COL19A1: variants seen among roughly 807,000 people sequenced by gnomAD.
The protein encoded by COL19A1 is collagen alpha-1(XIX) chain.
A neutral mutation model predicts 190.2 loss-of-function variants in COL19A1; 159 were observed. The observed-to-expected ratio is 0.84, with a 90% CI of 0.73 to 0.95. The LOEUF (loss-of-function observed/expected upper bound fraction) is 0.95, where lower values mean the gene tolerates loss of function less well. Among genes scored for constraint, COL19A1 ranks in the 40% least tolerant of loss-of-function variants. The pLI is 0.00. For synonymous variants in COL19A1, 509 were observed against 458.9 expected, an observed-to-expected ratio of 1.11 and a Z score of -1.39; for missense variants, 1,418 against 1,431.9, an observed-to-expected ratio of 0.99 and a Z score of 0.16.
intron 14 of COL19A1, among the ~76,000 whole-genome samples, chr6:70,062,229 T>C (rs553299531): frequency 6.6e-6 from 1 of 152,236 alleles, no homozygotes; most frequent in African/African-American, 2.4e-5. Context: ...ATGCAGAATT[T>C]TTTGTACTAA....
rs373600958 is a variant in COL19A1, at chr6:70,023,335, C to T, written c.1027-292C>T. Among the ~76,000 whole-genome samples, 8 of 152,074 alleles carry T rather than the reference C, an allele frequency of 5.3e-5. No homozygotes were observed. In the East Asian group the frequency reaches 1.2e-3, roughly 22 times the overall value. On this transcript the variant is annotated intron_variant, in intron 11 of 50. Coordinates refer to ENST00000620364, the MANE Select transcript of COL19A1 (RefSeq NM_001858.6). ...TATTTTTAGTAGGGACAGGTTTCAC[C>T]GTGTTGGTCAGGCTGGTCTCGAAAT...
chr6:69,966,566 G>A (rs961520891), intron 11 of COL19A1, among the ~76,000 whole-genome samples: 3 of 152,070 alleles, frequency 2.0e-5, no homozygotes, highest in Admixed American at 6.5e-5. Context: ...GATGCTTGAA[G>A]GCAGCATGCT....
Position 70,167,986 on chromosome 6 carries a change from ACTTC to A in COL19A1, c.2446-37_2446-34del, listed in dbSNP as rs769254215. 7 of 1,447,308 alleles carry A rather than the reference ACTTC, an allele frequency of 4.8e-6. No individual in the cohort carries two copies. In the Admixed American group the frequency reaches 1.3e-4, roughly 27 times the overall value. The allele number at this position is 1,447,308 out of a possible 1,614,324, so 89.7% of individuals were successfully genotyped here. ...TAAAATGTAGAGATGCAAAGTATTAACTTCCAAGAATAATTCTGTATCTCACCTC... is the reference window on the plus strand; with the variant it reads ...TAAAATGTAGAGATGCAAAGTATTAACAAGAATAATTCTGTATCTCACCTC... On this transcript the variant is annotated intron_variant, in intron 37 of 50. Coordinates refer to ENST00000620364, the MANE Select transcript of COL19A1 (RefSeq NM_001858.6).
chr6:69,905,815 C>T (rs1453344332), intron 4 of COL19A1, among the ~76,000 whole-genome samples: 1 of 152,102 alleles, frequency 6.6e-6, no homozygotes, highest in African/African-American at 2.4e-5. Flanking sequence ...AATTCATGTC[C>T]ATTCTTCAGT....
At chr6:70,079,280 T>C (rs1782090405) in intron 15 of COL19A1, among the ~76,000 whole-genome samples, 1 of 152,136 alleles carries the variant, frequency 6.6e-6, no homozygotes, top group Non-Finnish European at 1.5e-5. Context: ...AAACATTCTT[T>C]TAGAAGAGAT....
intron 17 of COL19A1, among the ~76,000 whole-genome samples, chr6:70,126,655 T>C (rs962375453): frequency 3.5e-4 from 54 of 152,210 alleles, no homozygotes; most frequent in African/African-American, 1.3e-3. Context: ...GCCCACATAT[T>C]ATGTTTTAAC....
At chr6:69,907,109 T>TA (rs199920058) in intron 4 of COL19A1, among the ~76,000 whole-genome samples, 2,595 of 107,586 alleles carry the variant, frequency 0.024, 62 homozygotes, top group African/African-American at 0.074. Flanking sequence ...TTATTATTAT[T>TA]TTTTTTTTTT....
intron 7 of COL19A1, among the ~76,000 whole-genome samples, chr6:69,934,224 T>C (rs555408979): frequency 6.6e-6 from 1 of 152,124 alleles, no homozygotes; most frequent in African/African-American, 2.4e-5. Flanking sequence ...ATGTATCTCA[T>C]TCCAAGTAAA....
Position 70,151,459 on chromosome 6 carries a change from A to C in COL19A1, c.2079+21A>C, listed in dbSNP as rs1187562109. 5.0e-6 allele frequency: 8 copies of C among 1,608,722 alleles called. No individual in the cohort carries two copies. The African/African-American group carries it at 6.7e-5, about 13-fold the overall frequency. The stretch of plus-strand genomic sequence containing the variant: ...TCAAGGTACTCTATTGCTATGTAAG[A>C]AATTATGTGTTAATTTCCAGGAAAA... On this transcript the variant is annotated intron_variant, in intron 31 of 50. Coordinates refer to ENST00000620364, the MANE Select transcript of COL19A1 (RefSeq NM_001858.6).
chr6:70,167,175 G>A (rs1266951510), intron 37 of COL19A1, among the ~76,000 whole-genome samples: 1 of 152,152 alleles, frequency 6.6e-6, no homozygotes, highest in African/African-American at 2.4e-5. Context: ...ACTAGTGTTT[G>A]GAAGATGCAT....
chr6:70,146,797 C>A lies in COL19A1; in HGVS notation c.1816-15C>A. On this transcript the variant is annotated splice_polypyrimidine_tract_variant and intron_variant, in intron 26 of 50. Coordinates refer to ENST00000620364, the MANE Select transcript of COL19A1 (RefSeq NM_001858.6). Reference sequence around the variant, plus strand: ...CTCTTGAGCCTTGCAGTAACAGAAGCCTTTCATTTCACAGGGTGAAAGAGG... The same window carrying A: ...CTCTTGAGCCTTGCAGTAACAGAAGACTTTCATTTCACAGGGTGAAAGAGG... The A allele has an allele frequency of 2.5e-6, 4 of 1,589,790 alleles. No homozygotes were observed. The highest frequency in any genetic ancestry group is 2.3e-5 in the South Asian group (2 of 86,154).
chr6:70,109,215 A>T (rs899830896), intron 16 of COL19A1, among the ~76,000 whole-genome samples: 23 of 152,088 alleles, frequency 1.5e-4, no homozygotes, highest in Non-Finnish European at 2.5e-4. Flanking sequence ...GAAGGAGGAG[A>T]TGTTCTTCTC....
At chr6:70,146,757 C>A in intron 26 of COL19A1, 54 bp downstream of exon 26, 1 of 1,588,312 alleles carries the variant, frequency 6.3e-7, no homozygotes, top group Non-Finnish European at 8.6e-7. Context: ...CAAAATACAG[C>A]AGAAAAATGT....
At chr6:70,020,613 A>G (rs942224675) in intron 11 of COL19A1, among the ~76,000 whole-genome samples, 3 of 152,172 alleles carry the variant, frequency 2.0e-5, no homozygotes, top group African/African-American at 7.2e-5. Context: ...CATGCTATAT[A>G]TCAGTGGTTC....
At chr6:70,150,888 G>T (rs759407597) in intron 30 of COL19A1, among the ~76,000 whole-genome samples, 1 of 152,122 alleles carries the variant, frequency 6.6e-6, no homozygotes, top group Non-Finnish European at 1.5e-5. Flanking sequence ...GTGGCCAAAA[G>T]GTAGCCCAAG....
chr6:70,021,011 A>G (rs1309959915), intron 11 of COL19A1, among the ~76,000 whole-genome samples: 2 of 152,160 alleles, frequency 1.3e-5, no homozygotes, highest in African/African-American at 4.8e-5. Flanking sequence ...CTCCTACTTT[A>G]TGGAAATCCA....
intron 12 of COL19A1, among the ~76,000 whole-genome samples, chr6:70,025,232 G>A (rs1338453798): frequency 2.6e-5 from 4 of 151,976 alleles, no homozygotes; most frequent in Non-Finnish European, 4.4e-5. Context: ...GGGTTTCACC[G>A]TGTTAGCCAG....
chr6:70,025,009 T>G (rs969246346), intron 12 of COL19A1, among the ~76,000 whole-genome samples: 17 of 151,388 alleles, frequency 1.1e-4, no homozygotes, highest in African/African-American at 3.9e-4. Context: ...GTAAAAGTGA[T>G]GGACTTGGGA....
rs568905700 is a variant in COL19A1 at position 70,142,015 on chromosome 6, G to C, written c.1519-8G>C. The C allele has an allele frequency of 6.2e-7, 1 of 1,612,330 alleles. No individual in the cohort carries two copies. The highest frequency in any genetic ancestry group is 8.5e-7 in the Non-Finnish European group (1 of 1,178,900). On this transcript the variant is annotated splice_polypyrimidine_tract_variant and splice_region_variant and intron_variant, in intron 21 of 50. Transcript: ENST00000620364. ...AACATTGATCTTTCCTTCCCCCCAC[G>C]TGTTTAGGGTGAACCTGGAGATCCC...
Sources: gnomAD v4.1 joint callset for allele counts (sites outside exome capture counted in the v4.1 genomes callset) on GRCh38, gnomAD v4.1.1 for gene constraint, MANE v1.5 for transcripts, NCBI Gene and HGNC (gene_info 2026-07-23, HGNC 2026-07-21) for gene names.